The following ZNF337 variants were observed in gnomAD, a reference collection of about 807,000 sequenced individuals.
The protein encoded by ZNF337 is zinc finger protein 337.
Under a neutral mutation model 12.1 loss-of-function variants are expected in ZNF337, and 8 were observed. That is an observed-to-expected ratio of 0.66 (90% CI 0.39 to 1.19). The LOEUF is 1.19. ZNF337 is among the 50% of genes most tolerant of loss of function. The pLI is 0.01. For missense variants in ZNF337, 882 were observed against 896.6 expected, an observed-to-expected ratio of 0.98 and a Z score of 0.21; for synonymous variants, 336 against 320.0, an observed-to-expected ratio of 1.05 and a Z score of -0.53.
chr20:25,677,892 CAACAT>C (rs1234228066), intron 4 of ZNF337: 1 of 152,038 alleles, frequency 6.6e-6, no homozygotes, highest in East Asian at 1.9e-4. Context: ...AAACATATCT[CAACAT>C]AATATAGACA....
chr20:25,676,996 G>T lies in ZNF337; in HGVS notation c.292C>A (p.Leu98Ile). ...AGTTGCTGTTGCCTCTGATGTGCAA[G>T]TCCAAGATTCTTGGGCCGCAGGACA... is the stretch of plus-strand genomic sequence containing the variant. ...EHVLRPKNLGLAHQRQQQLQF... is the reference protein window; with the variant it reads ...EHVLRPKNLGIAHQRQQQLQF... The change falls in exon 5 of 5, where the codon CTT (leucine) becomes ATT (isoleucine). Residue 98 changes from leucine (L) to isoleucine (I), a missense_variant. By Grantham distance (5) the Leu-to-Ile change is conservative. Coordinates refer to ENST00000252979, the MANE Select transcript of ZNF337 (RefSeq NM_015655.4). 1.2e-6 allele frequency: 2 copies of T among 1,613,602 alleles called. No homozygotes were observed. Among genetic ancestry groups the T allele is most frequent in the Non-Finnish European group, 1.7e-6 (2 of 1,179,858 alleles).
At chr20:25,679,676 G>A (rs989901115) in intron 4 of ZNF337, among the ~76,000 whole-genome samples, 10 of 152,126 alleles carry the variant, frequency 6.6e-5, no homozygotes, top group African/African-American at 2.4e-4. Context: ...TGGCAAAGAT[G>A]CAGAAAAAAG....
At chr20:25,695,096 C>G (rs570317117) in intron 1 of ZNF337, among the ~76,000 whole-genome samples, 1 of 152,230 alleles carries the variant, frequency 6.6e-6, no homozygotes, top group Admixed American at 6.5e-5. Flanking sequence ...CATGGTGAAA[C>G]CCCATCTCTA....
Position 25,686,116 on chromosome 20 carries a change from A to G in ZNF337, c.34T>C (p.Leu12=). 6.2e-7 allele frequency: 1 copy of G among 1,614,010 alleles called. No homozygotes were observed. The highest frequency in any genetic ancestry group is 2.2e-5 in the East Asian group (1 of 44,878). Residue 12 remains leucine (L), a synonymous_variant, in exon 3 of 5, where the codon TTG becomes CTG. Coordinates refer to ENST00000252979, the MANE Select transcript of ZNF337 (RefSeq NM_015655.4). The stretch of plus-strand genomic sequence containing the variant: ...TCCACAGTGACATCCCCAAATGCCA[A>G]GAAAGCCTGTAACACAAAACCCAGG... ...GPQGARRQAF[L]AFGDVTVDFT... is the part of the protein sequence containing the mutation.
In ZNF337 at chr20:25,675,891, C is replaced by G; in HGVS notation, c.1397G>C (p.Gly466Ala). 1.2e-6 allele frequency: 2 copies of G among 1,614,056 alleles called. No homozygotes were observed. The highest frequency in any genetic ancestry group is 1.7e-6 in the Non-Finnish European group (2 of 1,180,004). Residue 466 changes from glycine (G) to alanine (A), a missense_variant, in exon 5 of 5, where the codon GGA (glycine) becomes GCA (alanine). Transcript: ENST00000252979. ...EEKPFVCKDC[G>A]RGFIQKSTFT... ...GGTTGACTTTTGGATAAAGCCTCGTCCACAGTCCTTGCACACAAAAGGCTT... is the reference window on the plus strand; with the variant it reads ...GGTTGACTTTTGGATAAAGCCTCGTGCACAGTCCTTGCACACAAAAGGCTT...
At chr20:25,677,761 A>G (rs561725446) in intron 4 of ZNF337, 3 of 152,328 alleles carry the variant, frequency 2.0e-5, no homozygotes, top group Admixed American at 2.0e-4. Flanking sequence ...CATGTTGTCC[A>G]GGCTGGTCTC....
chr20:25,684,464 G>A (rs2065804442), intron 4 of ZNF337, among the ~76,000 whole-genome samples: 1 of 152,118 alleles, frequency 6.6e-6, no homozygotes, highest in Non-Finnish European at 1.5e-5. Context: ...TCATTAAAAA[G>A]TCAGGAAACA....
intron 1 of ZNF337, among the ~76,000 whole-genome samples, chr20:25,688,410 T>C (rs1443416838): frequency 6.6e-6 from 1 of 152,254 alleles, no homozygotes; most frequent in Non-Finnish European, 1.5e-5. Flanking sequence ...TTTATGCCTT[T>C]TATTCCTTTT....
At chr20:25,683,913 T>C (rs1242932522) in intron 4 of ZNF337, among the ~76,000 whole-genome samples, 4 of 152,162 alleles carry the variant, frequency 2.6e-5, no homozygotes, top group South Asian at 2.1e-4. Flanking sequence ...CGTATGTTTA[T>C]TGCAGCACTA....
At chr20:25,682,167 C>G (rs2065776118) in intron 4 of ZNF337, among the ~76,000 whole-genome samples, 1 of 151,360 alleles carries the variant, frequency 6.6e-6, no homozygotes, top group Non-Finnish European at 1.5e-5. Context: ...GTTACAGTCA[C>G]CAAAAAAAAT....
At chr20:25,687,920 T>C (rs920319438) in intron 1 of ZNF337, among the ~76,000 whole-genome samples, 1 of 152,240 alleles carries the variant, frequency 6.6e-6, no homozygotes, top group Admixed American at 6.5e-5. Flanking sequence ...GGAAAGCCAC[T>C]GGCCTCTTTC....
chr20:25,686,012 G>A lies in ZNF337; in HGVS notation c.138C>T (p.Ser46=), dbSNP rs1357337076. ...LYREVTLENY[S]HLVSLGILHS... Reference sequence around the variant, plus strand: ...CACGCTTACCTAGTGAGACCAGGTGGCTGTAGTTCTCCAGTGTCACCTCCC... The same window carrying A: ...CACGCTTACCTAGTGAGACCAGGTGACTGTAGTTCTCCAGTGTCACCTCCC... Residue 46 remains serine, a synonymous_variant, in exon 3 of 5, where the codon AGC becomes AGT. Transcript: ENST00000252979. 6.2e-7 allele frequency: 1 copy of A among 1,612,672 alleles called. No homozygotes were observed. Among genetic ancestry groups the A allele is most frequent in the Non-Finnish European group, 8.5e-7 (1 of 1,179,612 alleles).
intron 2 of ZNF337, 91 bp from the exon 3 acceptor site, chr20:25,686,213 A>G: frequency 6.3e-7 from 1 of 1,583,838 alleles, no homozygotes; most frequent in Non-Finnish European, 8.6e-7. Context: ...TACACAGATC[A>G]CTACTTGATG....
rs181575219 is a variant in ZNF337 at position 25,674,034 on chromosome 20, A to G, written c.*998T>C. 6.4e-4 allele frequency: 97 copies of G among 152,216 alleles called. 1 individual carries two copies. The highest frequency in any genetic ancestry group is 2.2e-3 in the African/African-American group (93 of 41,542). 9.4% of individuals were successfully genotyped at this position (152,216 alleles called of 1,614,324 possible). ...TGAGTGGTCCCCAGATCCCTATTTTACCACTTGTTTTGTCAGACTGTTCTT... is the reference window on the plus strand; with the variant it reads ...TGAGTGGTCCCCAGATCCCTATTTTGCCACTTGTTTTGTCAGACTGTTCTT... On this transcript the variant is annotated 3_prime_UTR_variant, in exon 5 of 5. Transcript: ENST00000252979.
At chr20:25,693,022 A>C (rs1440059145) in intron 1 of ZNF337, among the ~76,000 whole-genome samples, 4 of 152,192 alleles carry the variant, frequency 2.6e-5, no homozygotes, top group Non-Finnish European at 5.9e-5. Flanking sequence ...AGAAACCCCC[A>C]AAATCCCAGC....
chr20:25,676,090 C>T lies in ZNF337; in HGVS notation c.1198G>A (p.Gly400Arg), dbSNP rs756679301. 13 of 1,613,922 alleles carry T rather than the reference C, an allele frequency of 8.1e-6. No individual in the cohort carries two copies. Among genetic ancestry groups the T allele is most frequent in the African/African-American group, 4.0e-5 (3 of 74,924 alleles). The part of the protein sequence containing the change: ...SLLRHQRTHS[G>R]EKPFVCKDCE... The stretch of plus-strand genomic sequence containing the variant: ...TCCTTGCACACAAAAGGCTTCTCCC[C>T]TGAGTGTGTTCTCTGGTGTCTGAGG... The change falls in exon 5 of 5, where the codon GGG (glycine) becomes AGG (arginine). Residue 400 changes from glycine (G) to arginine (R), a missense_variant. By Grantham distance (125) the Gly-to-Arg change is moderately radical. Coordinates refer to ENST00000252979, the MANE Select transcript of ZNF337 (RefSeq NM_015655.4).
chr20:25,696,098 C>CA (rs1240765951), intron 1 of ZNF337, among the ~76,000 whole-genome samples: 1 of 129,044 alleles, frequency 7.7e-6, no homozygotes, highest in African/African-American at 3.0e-5. Context: ...CCCCCCCCCC[C>CA]CCCACCAAAA....
rs543451947 is a variant in ZNF337 at position 25,673,547 on chromosome 20, C to T, written c.*1485G>A. ...ATCTTGGGCATCCATGGAGATGTTC[C>T]GGTGTCATTTTTCAGGATCCCAGAT... On this transcript the variant is annotated 3_prime_UTR_variant, in exon 5 of 5. Coordinates refer to ENST00000252979, the MANE Select transcript of ZNF337 (RefSeq NM_015655.4). 1.3e-4 allele frequency among the ~76,000 whole-genome samples: 20 copies of T among 152,234 alleles called. No individual in the cohort carries two copies. Among genetic ancestry groups the T allele is most frequent in the African/African-American group, 2.4e-4 (10 of 41,532 alleles).
In ZNF337 at chr20:25,696,628, G is replaced by A. The variant is rs901109325; in HGVS notation, c.-50+131C>T. Reference sequence around the variant, plus strand: ...CTGGGTCTCCGCCCCTCCCCAGAACGCGGAGACGCCGGGCCTGGAGGAGCG... The same window carrying A: ...CTGGGTCTCCGCCCCTCCCCAGAACACGGAGACGCCGGGCCTGGAGGAGCG... On this transcript the variant is annotated intron_variant, in intron 1 of 4. Coordinates refer to ENST00000252979, the MANE Select transcript of ZNF337 (RefSeq NM_015655.4). 34 of 596,712 alleles carry A rather than the reference G, an allele frequency of 5.7e-5. No individual in the cohort carries two copies. In the African/African-American group the frequency reaches 6.2e-4, roughly 11 times the overall value. The allele number at this position is 596,712 out of a possible 1,614,324, so 37.0% of individuals were successfully genotyped here.
Sources: allele counts gnomAD v4.1 joint callset (sites outside exome capture counted in the v4.1 genomes callset), GRCh38; gene constraint gnomAD v4.1.1; transcripts MANE v1.5; gene names NCBI Gene and HGNC (gene_info 2026-07-23, HGNC 2026-07-21).